The following KCNH1 variants were observed in gnomAD, a reference collection of about 807,000 sequenced individuals.
The protein encoded by KCNH1 is potassium voltage-gated channel subfamily H member 1.
A neutral mutation model predicts 69.2 loss-of-function variants in KCNH1; 27 were observed. The ratio of observed to expected loss-of-function variants is 0.39; its 90% confidence interval spans 0.29 to 0.54. The LOEUF (loss-of-function observed/expected upper bound fraction) is 0.54, where lower values mean the gene tolerates loss of function less well. Ranked by LOEUF, KCNH1 falls within the 20% of genes least tolerant of loss-of-function variation. The probability of loss-of-function intolerance (pLI) is 0.68; values close to 1 mark genes in which losing one functional copy is unlikely to be tolerated. For missense variants in KCNH1, 798 were observed against 1,261.6 expected (o/e 0.63, Z 5.57); for synonymous variants, 456 against 487.7 (o/e 0.93, Z 0.86).
chr1:211,068,403 G>GT lies in KCNH1; in HGVS notation c.558+14376dup, dbSNP rs574266962. On this transcript the variant is annotated intron_variant, in intron 5 of 10. Coordinates refer to ENST00000271751, the MANE Select transcript of KCNH1 (RefSeq NM_172362.3). The stretch of plus-strand genomic sequence containing the variant: ...AACAATCTGAAAAATCAACTTTTTT[G>GT]TTTTTTTTTTGAGACGGAGTCTTGC... Among the ~76,000 whole-genome samples the GT allele has an allele frequency of 5.1e-3, 760 of 148,524 alleles. 2 individuals carry two copies. Among genetic ancestry groups the GT allele is most frequent in the East Asian group, 6.5e-3 (33 of 5,068 alleles).
intron 10 of KCNH1, among the ~76,000 whole-genome samples, chr1:210,697,642 C>T (rs1160968639): frequency 6.6e-6 from 1 of 152,270 alleles, no homozygotes; most frequent in East Asian, 1.9e-4. Context: ...AGACTGTACA[C>T]TCATGTTATT....
At chr1:210,687,834 C>T (rs1681438304) in intron 10 of KCNH1, among the ~76,000 whole-genome samples, 1 of 152,182 alleles carries the variant, frequency 6.6e-6, no homozygotes, top group South Asian at 2.1e-4. Context: ...GCACCAGCCA[C>T]AGCAGCTCTC....
chr1:210,908,107 T>G (rs989599027), intron 7 of KCNH1, among the ~76,000 whole-genome samples: 2 of 152,112 alleles, frequency 1.3e-5, no homozygotes, highest in African/African-American at 4.8e-5. Context: ...ACGGAGGAAA[T>G]GAGTGCAAGG....
At chr1:210,791,840 A>C (rs755186780) in intron 9 of KCNH1, among the ~76,000 whole-genome samples, 1 of 152,244 alleles carries the variant, frequency 6.6e-6, no homozygotes, top group Non-Finnish European at 1.5e-5. Flanking sequence ...AATGAACACA[A>C]GGAAGCTAAC....
At chr1:210,987,255 G>C (rs1339483513) in intron 6 of KCNH1, among the ~76,000 whole-genome samples, 2 of 152,108 alleles carry the variant, frequency 1.3e-5, no homozygotes, top group African/African-American at 2.4e-5. Context: ...GGAGTAGTTT[G>C]ATCATCTGAA....
At chr1:210,906,580 G>A (rs1054648428) in intron 7 of KCNH1, among the ~76,000 whole-genome samples, 1 of 152,148 alleles carries the variant, frequency 6.6e-6, no homozygotes, top group African/African-American at 2.4e-5. Flanking sequence ...ATGCCTTCTC[G>A]ACCACACAGG....
intron 6 of KCNH1, among the ~76,000 whole-genome samples, chr1:210,968,589 G>A (rs1685835858): frequency 6.6e-6 from 1 of 151,126 alleles, no homozygotes; most frequent in African/African-American, 2.4e-5. Flanking sequence ...ATCTCATTGT[G>A]GTTTTGATTT....
chr1:210,789,900 C>T (rs1025748384), intron 9 of KCNH1, among the ~76,000 whole-genome samples: 9 of 152,160 alleles, frequency 5.9e-5, no homozygotes, highest in African/African-American at 1.2e-4. Flanking sequence ...TGGCTATACT[C>T]CCATTTCTTT....
chr1:210,849,601 G>A (rs1685639585), intron 7 of KCNH1, among the ~76,000 whole-genome samples: 1 of 151,924 alleles, frequency 6.6e-6, no homozygotes, highest in Non-Finnish European at 1.5e-5. Flanking sequence ...CCCGACCTCA[G>A]GTGATCCGCC....
chr1:210,715,281 C>G (rs1198959467), intron 10 of KCNH1, among the ~76,000 whole-genome samples: 2 of 152,224 alleles, frequency 1.3e-5, no homozygotes, highest in Non-Finnish European at 2.9e-5. Context: ...CCTCCTGTCA[C>G]TCCCTGCAAG....
intron 7 of KCNH1, chr1:210,861,830 G>A: frequency 1.3e-6 from 1 of 759,142 alleles, no homozygotes; most frequent in South Asian, 1.4e-5. Flanking sequence ...TTCACAAGCT[G>A]ATAAAGGCAA....
intron 7 of KCNH1, among the ~76,000 whole-genome samples, chr1:210,907,583 T>C (rs1395810822): frequency 6.6e-6 from 1 of 150,694 alleles, no homozygotes; most frequent in Admixed American, 6.6e-5. Context: ...GGCAGTATGA[T>C]GTGATCCTGT....
chr1:210,726,808 G>C (rs1357417653), intron 10 of KCNH1, among the ~76,000 whole-genome samples: 2 of 142,980 alleles, frequency 1.4e-5, no homozygotes, highest in African/African-American at 5.6e-5. Flanking sequence ...ACAGTTCCCC[G>C]GCGGGGGTGG....
At chr1:210,974,255 T>C (rs1688560845) in intron 6 of KCNH1, among the ~76,000 whole-genome samples, 1 of 152,210 alleles carries the variant, frequency 6.6e-6, no homozygotes, top group African/African-American at 2.4e-5. Flanking sequence ...TTTTATTTAA[T>C]GATTTTTCTG....
chr1:210,945,871 A>T (rs542928580), intron 6 of KCNH1, among the ~76,000 whole-genome samples: 2 of 151,832 alleles, frequency 1.3e-5, no homozygotes, highest in Admixed American at 6.6e-5. Context: ...TAAAATCGCA[A>T]CTCCCAGACC....
chr1:211,085,668 G>C (rs1172223545), intron 4 of KCNH1, among the ~76,000 whole-genome samples: 1 of 152,182 alleles, frequency 6.6e-6, no homozygotes, highest in Admixed American at 6.5e-5. Context: ...AGGCTCCTGA[G>C]TTTCTGGTTT....
At chr1:211,130,141 A>G (rs915752744) in intron 1 of KCNH1, among the ~76,000 whole-genome samples, 1 of 152,246 alleles carries the variant, frequency 6.6e-6, no homozygotes, top group East Asian at 1.9e-4. Context: ...AACCATGAAT[A>G]TAAAGAGAAA....
At chr1:210,999,303 T>C (rs1241115119) in intron 6 of KCNH1, among the ~76,000 whole-genome samples, 4 of 152,052 alleles carry the variant, frequency 2.6e-5, no homozygotes, top group Non-Finnish European at 5.9e-5. Flanking sequence ...AAGAATCAAA[T>C]AGACACAATA....
intron 7 of KCNH1, among the ~76,000 whole-genome samples, chr1:210,905,974 C>T (rs1687094594): frequency 6.6e-6 from 1 of 152,226 alleles, no homozygotes; most frequent in Admixed American, 6.5e-5. Context: ...AAAGCCCTTA[C>T]TCCTCTCAAA....
Sources: allele counts gnomAD v4.1 joint callset (sites outside exome capture counted in the v4.1 genomes callset), GRCh38; gene constraint gnomAD v4.1.1; transcripts MANE v1.5; gene names NCBI Gene and HGNC (gene_info 2026-07-23, HGNC 2026-07-21).